The following TEPSIN variants were observed in gnomAD, a reference collection of about 807,000 sequenced individuals.
The protein encoded by TEPSIN is AP-4 complex accessory subunit tepsin.
TEPSIN carries 50 observed loss-of-function variants against 48.5 expected under a neutral mutation model. That is an observed-to-expected ratio of 1.03 (90% confidence interval 0.82 to 1.31). TEPSIN has a LOEUF of 1.31. TEPSIN is among the 50% of genes most tolerant of loss of function. TEPSIN has a pLI of 0.00. For missense variants in TEPSIN, 838 were observed against 815.9 expected, an observed-to-expected ratio of 1.03 and a Z score of -0.33; for synonymous variants, 392 against 358.8, an observed-to-expected ratio of 1.09 and a Z score of -1.05.
rs904142336 is a variant in TEPSIN at position 81,234,002 on chromosome 17, C to T, written c.354G>A (p.Gln118=). The part of the protein sequence containing the change: ...PDPLHGNSLY[Q]KVRAAAQDLG... ...TCACCTGCGCGGCCGCGCGAACCTT[C>T]TGGTACAAGCTGTTCCCGTGCAGAG... The change falls in exon 5 of 13, where the codon CAG becomes CAA. Residue 118 remains glutamine, a synonymous_variant. Coordinates refer to ENST00000637944, the MANE Select transcript of TEPSIN (RefSeq NM_001363764.2). This position sits in a 1 kb window ranked among gnomAD's most constrained non-coding sequence, Gnocchi z 5.4. 6.3e-6 allele frequency: 10 copies of T among 1,597,950 alleles called. No homozygotes were observed. The highest frequency in any genetic ancestry group is 7.7e-6 in the Non-Finnish European group (9 of 1,175,616).
At chr17:81,232,838 G>C (rs868013272) in intron 7 of TEPSIN, 1 of 337,378 alleles carries the variant, frequency 3.0e-6, no homozygotes, top group Non-Finnish European at 5.4e-6. Context: ...TCCAGGGCTC[G>C]GGGAGGGGCC....
Position 81,229,149 on chromosome 17 carries a change from TG to T in TEPSIN, c.1560del (p.Thr521ArgfsTer71). The T allele has an allele frequency of 1.2e-6, 2 of 1,609,836 alleles. No individual in the cohort carries two copies. Among genetic ancestry groups the T allele is most frequent in the Non-Finnish European group, 1.7e-6 (2 of 1,178,696 alleles). ...RRWRPERIPG[G>X]TDSPKRGPSS... ...CTGGGGCCTCTCTTTGGGCTGTCCG[TG>T]CCCCCTGGGATCCGTTCAGGTCTCC... On this transcript the variant is annotated frameshift_variant, in exon 13 of 13. Transcript: ENST00000637944. LOFTEE classifies it low-confidence loss of function (END_TRUNC).
rs1466144726 is a variant in TEPSIN, at chr17:81,234,095, C to T, written c.308-47G>A. On this transcript the variant is annotated intron_variant, in intron 4 of 12. Coordinates refer to ENST00000637944, the MANE Select transcript of TEPSIN (RefSeq NM_001363764.2). The surrounding 1 kb of genome is among the most constrained non-coding windows in gnomAD (Gnocchi z 5.4). ...TCGGGGGCAGGGCTGAGCCTGGCAC[C>T]GCTGCTCCCTGTGGAGCACGGTGCC... is the stretch of plus-strand genomic sequence containing the variant. 7.3e-6 allele frequency: 11 copies of T among 1,510,180 alleles called. No individual in the cohort carries two copies. Among genetic ancestry groups the T allele is most frequent in the African/African-American group, 2.8e-5 (2 of 71,024 alleles). The allele number at this position is 1,510,180 out of a possible 1,614,324, so 93.5% of individuals were successfully genotyped here. A position where few individuals can be genotyped will look rare whatever the true frequency, so the allele number is the denominator to read the frequency against.
chr17:81,229,895 A>AGATCT, intron 12 of TEPSIN: 1 of 221,736 alleles, frequency 4.5e-6, no homozygotes, highest in Non-Finnish European at 8.9e-6. Flanking sequence ...CGGTGGTGCG[A>AGATCT]ACCCCAGGCT....
intron 1 of TEPSIN, chr17:81,238,288 C>G (rs1030957023): frequency 1.0e-5 from 5 of 493,910 alleles, no homozygotes; most frequent in African/African-American, 4.2e-5. Flanking sequence ...CTGACAACTG[C>G]AGAACGCAGC....
rs1412704061 is a variant in TEPSIN, at chr17:81,239,026, G to A, written c.8C>T (p.Ala3Val). The A allele has an allele frequency of 6.7e-7, 1 of 1,491,938 alleles. No individual in the cohort carries two copies. The highest frequency in any genetic ancestry group is 1.3e-5 in the South Asian group (1 of 78,800). 92.4% of individuals were successfully genotyped at this position (1,491,938 alleles called of 1,614,324 possible). A position where few individuals can be genotyped will look rare whatever the true frequency, so the allele number is the denominator to read the frequency against. Residue 3 changes from alanine to valine, a missense_variant, in exon 1 of 13, where the codon GCC becomes GTC. Coordinates refer to ENST00000637944, the MANE Select transcript of TEPSIN (RefSeq NM_001363764.2). ...CAGGCGGTCCCGTAGCGGCGGCGCGGCAGCCATGATCCAGGTCCCCTCCCG... is the reference window on the plus strand; with the variant it reads ...CAGGCGGTCCCGTAGCGGCGGCGCGACAGCCATGATCCAGGTCCCCTCCCG... MAAAPPLRDRLSF... is the reference protein window; with the variant it reads MAVAPPLRDRLSF...
At position 81,232,024 on chromosome 17, in the gene TEPSIN, G is replaced by T; in HGVS notation, c.731-3C>A. 6.2e-7 allele frequency: 1 copy of T among 1,605,988 alleles called. No individual in the cohort carries two copies. ...CTGCCCAGGCTGATGCCTCACAGCT[G>T]GAGGAAACAGGACAGCCGGTGAGAT... On this transcript the variant is annotated splice_region_variant and splice_polypyrimidine_tract_variant and intron_variant, in intron 8 of 12. Transcript: ENST00000637944.
At chr17:81,231,327 ACG>A (rs2062601181) in intron 11 of TEPSIN, 69 bp downstream of exon 11, 2 of 1,391,692 alleles carry the variant, frequency 1.4e-6, no homozygotes, top group African/African-American at 3.0e-5. Flanking sequence ...GTGCACACAC[ACG>A]CACACGCACA....
chr17:81,237,707 G>A (rs890202469), intron 1 of TEPSIN: 9 of 570,074 alleles, frequency 1.6e-5, no homozygotes, highest in South Asian at 8.5e-5. Context: ...GAGGAGCTGC[G>A]CCACTTGGGT....
At position 81,228,998 on chromosome 17, in the gene TEPSIN, G is replaced by A. The variant is rs778828496; in HGVS notation, c.1712C>T (p.Ser571Leu). 1.9e-5 allele frequency: 31 copies of A among 1,613,564 alleles called. No homozygotes were observed. In the Admixed American group the frequency reaches 3.5e-4, roughly 18 times the overall value. ...CTCTTTGGCTGCTGTCCTCTGGGAC[G>A]ATGTTTGGGGGGCGCGGGGAGCATC... ...CPDAPRAPQTSSQRTAAKEPP... is the reference protein window; with the variant it reads ...CPDAPRAPQTLSQRTAAKEPP... The change falls in exon 13 of 13, where the codon TCG (serine) becomes TTG (leucine). Residue 571 changes from serine (S) to leucine (L), a missense_variant. Coordinates refer to ENST00000637944, the MANE Select transcript of TEPSIN (RefSeq NM_001363764.2).
chr17:81,235,761 G>A (rs76589466), intron 4 of TEPSIN, among the ~76,000 whole-genome samples: 1 of 152,200 alleles, frequency 6.6e-6, no homozygotes, highest in Admixed American at 6.5e-5. Flanking sequence ...GGAGCTCTGT[G>A]AGGATGGCGA....
intron 11 of TEPSIN, 184 bp downstream of exon 11, chr17:81,231,214 C>T (rs956094179): frequency 2.4e-5 from 15 of 630,950 alleles, no homozygotes; most frequent in Middle Eastern, 8.6e-4. Context: ...CACACACAGG[C>T]ATACATACAC....
chr17:81,229,287 A>C lies in TEPSIN; in HGVS notation c.1423T>G (p.Ser475Ala). ...ACAGGGCTGGACGGCATCCCAGATG[A>C]GGGAGCAGGGCTCCGGGACGAGACC... Reference protein sequence around the residue: ...TPVSSRSPAPSSGMPSSPVPT... With the variant: ...TPVSSRSPAPASGMPSSPVPT... The change falls in exon 13 of 13, where the codon TCA (serine) becomes GCA (alanine). Residue 475 changes from serine (S) to alanine (A), a missense_variant. By Grantham distance (99) the Ser-to-Ala change is moderately conservative. Coordinates refer to ENST00000637944, the MANE Select transcript of TEPSIN (RefSeq NM_001363764.2). 6.4e-7 allele frequency: 1 copy of C among 1,574,646 alleles called. No homozygotes were observed. Among genetic ancestry groups the C allele is most frequent in the Non-Finnish European group, 8.6e-7 (1 of 1,160,584 alleles).
Position 81,230,540 on chromosome 17 carries a change from C to CCA in TEPSIN, c.1233+2_1233+3dup, listed in dbSNP as rs766040824. 1.2e-6 allele frequency: 2 copies of CCA among 1,611,344 alleles called. No individual in the cohort carries two copies. The highest frequency in any genetic ancestry group is 2.2e-5 in the South Asian group (2 of 91,004). On this transcript the variant is annotated splice_donor_region_variant and intron_variant, in intron 12 of 12. Transcript: ENST00000637944. This position sits in a 1 kb window ranked among gnomAD's most constrained non-coding sequence, Gnocchi z 4.2. The stretch of plus-strand genomic sequence containing the variant: ...GTGTGCGTGTGGCCTCCGCAGCTGC[C>CCA]CACCTTGGTGGCCTTGTTGGTCACA...
At chr17:81,232,106 C>T in intron 8 of TEPSIN, 85 bp from the exon 9 acceptor site, 2 of 1,497,520 alleles carry the variant, frequency 1.3e-6, no homozygotes, top group Middle Eastern at 2.2e-4. Context: ...ACCAGGAGGC[C>T]TCGGGGGCTG....
At position 81,230,280 on chromosome 17, in the gene TEPSIN, G is replaced by T. The variant is rs969335806; in HGVS notation, c.1233+264C>A. ...AAGACACAAGGGCAGGAACATTAAG[G>T]CAGCGGAGTCTGGGGGCTTCCAGGA... On this transcript the variant is annotated intron_variant, in intron 12 of 12. Coordinates refer to ENST00000637944, the MANE Select transcript of TEPSIN (RefSeq NM_001363764.2). The surrounding 1 kb of genome is among the most constrained non-coding windows in gnomAD (Gnocchi z 4.2). The T allele has an allele frequency of 1.6e-5, 8 of 494,618 alleles. No individual in the cohort carries two copies. The highest frequency in any genetic ancestry group is 2.2e-5 in the Non-Finnish European group (6 of 278,244). The allele number at this position is 494,618 out of a possible 1,614,324, so 30.6% of individuals were successfully genotyped here.
chr17:81,237,715 G>A, intron 1 of TEPSIN: 2 of 558,322 alleles, frequency 3.6e-6, no homozygotes, highest in South Asian at 2.2e-5. Flanking sequence ...GCGCCACTTG[G>A]GTTAAGAAGG....
rs561739264 is a variant in TEPSIN at position 81,230,410 on chromosome 17, G to A, written c.1233+134C>T. 191 of 1,280,996 alleles carry A rather than the reference G, an allele frequency of 1.5e-4. 1 individual carries two copies. Among genetic ancestry groups the A allele is most frequent in the Middle Eastern group, 5.5e-4 (2 of 3,662 alleles). 79.4% of individuals were successfully genotyped at this position (1,280,996 alleles called of 1,614,324 possible). A position where few individuals can be genotyped will look rare whatever the true frequency, so the allele number is the denominator to read the frequency against. On this transcript the variant is annotated intron_variant, in intron 12 of 12. Coordinates refer to ENST00000637944, the MANE Select transcript of TEPSIN (RefSeq NM_001363764.2). The surrounding 1 kb of genome is among the most constrained non-coding windows in gnomAD (Gnocchi z 4.2). ...ACTTGCTGCTGCTCCCTCTGCCAGC[G>A]GGACAGGGACTTGAGAGGGGGTCCG...
chr17:81,238,559 CA>C, intron 1 of TEPSIN: 4 of 1,003,024 alleles, frequency 4.0e-6, no homozygotes, highest in Non-Finnish European at 4.8e-6. Flanking sequence ...GTGTTCTCTG[CA>C]ACCCAGGGGT....
Sources: gnomAD v4.1 joint callset for allele counts (sites outside exome capture counted in the v4.1 genomes callset) on GRCh38, gnomAD v4.1.1 for gene constraint, Gnocchi (gnomAD v3.1) non-coding constraint, MANE v1.5 for transcripts, NCBI Gene and HGNC (gene_info 2026-07-23, HGNC 2026-07-21) for gene names.